AFAP1: variants seen among roughly 807,000 people sequenced by gnomAD.
AFAP1 encodes actin filament associated protein 1.
In AFAP1, 75 loss-of-function variants were observed where a neutral mutation model predicts 93.9. The ratio of observed to expected loss-of-function variants is 0.80; its 90% CI spans 0.66 to 0.97. The LOEUF is 0.97. AFAP1 is among the 50% of genes least tolerant of loss of function. The pLI is 0.00. For synonymous variants in AFAP1, 517 were observed against 430.7 expected, an observed-to-expected ratio of 1.20 and a Z score of -2.48; for missense variants, 1,201 against 1,050.8, an observed-to-expected ratio of 1.14 and a Z score of -1.98.
At chr4:7,868,816 T>C (rs2149176376) in intron 2 of AFAP1, 97 bp from the exon 3 acceptor site, 4 of 1,027,532 alleles carry the variant, frequency 3.9e-6, no homozygotes, top group Middle Eastern at 4.1e-4. Flanking sequence ...GTTGAACACT[T>C]TGCAAATATT....
intron 1 of AFAP1, among the ~76,000 whole-genome samples, chr4:7,904,300 A>G (rs989958510): frequency 2.0e-5 from 3 of 152,024 alleles, no homozygotes; most frequent in African/African-American, 7.2e-5. Context: ...GGCTCTCCAC[A>G]CATGACAGAC....
chr4:7,907,325 G>A (rs115508676), intron 1 of AFAP1, among the ~76,000 whole-genome samples: 325 of 152,228 alleles, frequency 2.1e-3, no homozygotes, highest in East Asian at 0.011. Context: ...AGGCTGCAAC[G>A]TCCCTGTAAA....
intron 1 of AFAP1, among the ~76,000 whole-genome samples, chr4:7,881,136 C>A (rs544463002): frequency 9.9e-5 from 15 of 152,154 alleles, no homozygotes; most frequent in Non-Finnish European, 1.8e-4. Flanking sequence ...GGCAACTCCC[C>A]ATTATCTAAT....
chr4:7,803,917 A>C lies in AFAP1; in HGVS notation c.1055-3264T>G, dbSNP rs1172042948. 2.0e-5 allele frequency among the ~76,000 whole-genome samples: 3 copies of C among 152,160 alleles called. No individual in the cohort carries two copies. The East Asian group carries it at 5.8e-4, about 29-fold the overall frequency. ...TGTTCACAACAGCAGGTAAATCCAC[A>C]GTCACCTGTCTGTTTTCAGCGACTG... On this transcript the variant is annotated intron_variant, in intron 9 of 17. Coordinates refer to ENST00000420658, the MANE Select transcript of AFAP1 (RefSeq NM_001134647.2).
rs369201652 is a variant in AFAP1, at chr4:7,933,580, A to G, written c.-3+6076T>C. ...AGTGCGAGACTCCGTCTCAAAAAAAATATTTAAAAAAAGGGTATAGAACTT... is the reference window on the plus strand; with the variant it reads ...AGTGCGAGACTCCGTCTCAAAAAAAGTATTTAAAAAAAGGGTATAGAACTT... On this transcript the variant is annotated intron_variant, in intron 1 of 17. Coordinates refer to ENST00000420658, the MANE Select transcript of AFAP1 (RefSeq NM_001134647.2). 1.1e-3 allele frequency among the ~76,000 whole-genome samples: 165 copies of G among 152,330 alleles called. 5 individuals carry two copies. In the South Asian group the frequency reaches 0.033, roughly 30 times the overall value.
chr4:7,877,905 G>A (rs562896529), intron 1 of AFAP1, among the ~76,000 whole-genome samples: 9 of 152,032 alleles, frequency 5.9e-5, no homozygotes, highest in South Asian at 2.1e-4. Flanking sequence ...CCCCCATATC[G>A]CCAGTTCCCA....
In AFAP1 at chr4:7,843,208, G is replaced by A; in HGVS notation, c.477C>T (p.Phe159=). The change falls in exon 5 of 18, where the codon TTC becomes TTT. Residue 159 remains phenylalanine (F), a synonymous_variant. Transcript: ENST00000420658. ...DLVKDAKICA[F]LLRKKRFGQW... is the part of the protein sequence containing the mutation. ...GGCCGAACCGCTTCTTCCGCAGCAG[G>A]AAGGCGCAGATTTTGGCGTCCTTGA... 1 of 1,614,210 alleles carries A rather than the reference G, an allele frequency of 6.2e-7. No homozygotes were observed. Among genetic ancestry groups the A allele is most frequent in the Non-Finnish European group, 8.5e-7 (1 of 1,180,040 alleles).
At chr4:7,778,126 G>C (rs1336068231) in intron 14 of AFAP1, 1 of 153,170 alleles carries the variant, frequency 6.5e-6, no homozygotes, top group Non-Finnish European at 1.5e-5. Flanking sequence ...TACCAGCTGT[G>C]AGCCTTGGGG....
intron 3 of AFAP1, among the ~76,000 whole-genome samples, chr4:7,857,987 G>GA (rs766596652): frequency 1.6e-4 from 25 of 151,960 alleles, no homozygotes; most frequent in Non-Finnish European, 3.1e-4. Context: ...AACCACATAT[G>GA]AAAAAAACCA....
intron 9 of AFAP1, 108 bp downstream of exon 9, chr4:7,809,506 A>C: frequency 1.5e-6 from 2 of 1,321,672 alleles, no homozygotes; most frequent in Non-Finnish European, 2.1e-6. Flanking sequence ...CCAATGCAAA[A>C]GAGCTCAAAT....
chr4:7,871,302 G>A (rs962560931), intron 2 of AFAP1, among the ~76,000 whole-genome samples: 5 of 152,294 alleles, frequency 3.3e-5, no homozygotes, highest in African/African-American at 1.2e-4. Flanking sequence ...TTCCCTGATG[G>A]ACAAGGGTGG....
chr4:7,877,521 C>T (rs1425246529), intron 1 of AFAP1, among the ~76,000 whole-genome samples: 1 of 152,178 alleles, frequency 6.6e-6, no homozygotes, highest in Non-Finnish European at 1.5e-5. Context: ...CTAGGAGGCA[C>T]GTACTGTTAT....
intron 16 of AFAP1, chr4:7,772,508 C>T (rs886070216): frequency 3.7e-6 from 1 of 271,068 alleles, no homozygotes; most frequent in African/African-American, 2.2e-5. Context: ...GAACTGGCAT[C>T]AAATCATGAC....
chr4:7,896,253 T>C (rs34181918), intron 1 of AFAP1, among the ~76,000 whole-genome samples: 19,214 of 151,754 alleles, frequency 0.13, 1,410 homozygotes, highest in Non-Finnish European at 0.17. Flanking sequence ...TTAAAAGAGG[T>C]TTTTTACATA....
At chr4:7,850,493 T>C (rs1171413147) in intron 4 of AFAP1, among the ~76,000 whole-genome samples, 2 of 152,238 alleles carry the variant, frequency 1.3e-5, no homozygotes, top group Non-Finnish European at 2.9e-5. Context: ...AATCTGTGTC[T>C]GAAACCAAAA....
At chr4:7,826,096 T>A (rs1268773712) in intron 6 of AFAP1, among the ~76,000 whole-genome samples, 2 of 152,164 alleles carry the variant, frequency 1.3e-5, no homozygotes, top group Non-Finnish European at 2.9e-5. Context: ...ACTGGTAGAA[T>A]GGTGGGTGAA....
Position 7,861,370 on chromosome 4 carries a change from A to G in AFAP1, c.226-5796T>C, listed in dbSNP as rs75356632. ...ATGCCGCTGAAGGAAACTGAGGATA[A>G]TAAAATTTTATAGTTTAAGCTGCGA... On this transcript the variant is annotated intron_variant, in intron 3 of 17. Coordinates refer to ENST00000420658, the MANE Select transcript of AFAP1 (RefSeq NM_001134647.2). 1.7e-3 allele frequency among the ~76,000 whole-genome samples: 266 copies of G among 152,328 alleles called. 1 individual carries two copies. The highest frequency in any genetic ancestry group is 5.7e-3 in the African/African-American group (239 of 41,568).
At chr4:7,868,298 G>C (rs1255444118) in intron 3 of AFAP1, among the ~76,000 whole-genome samples, 2 of 152,134 alleles carry the variant, frequency 1.3e-5, no homozygotes, top group African/African-American at 4.8e-5. Flanking sequence ...AGATACTTTT[G>C]TCTGCTAAAT....
rs901968973 is a variant in AFAP1, at chr4:7,916,720, C to G, written c.-3+22936G>C. Among the ~76,000 whole-genome samples, 24 of 152,270 alleles carry G rather than the reference C, an allele frequency of 1.6e-4. No individual in the cohort carries two copies. In the Middle Eastern group the frequency reaches 0.01, roughly 65 times the overall value. ...CATGATAAAAATCAAAACCAAGCATCTCTGAAAAGTGTACATGTCAAGAAC... is the reference window on the plus strand; with the variant it reads ...CATGATAAAAATCAAAACCAAGCATGTCTGAAAAGTGTACATGTCAAGAAC... On this transcript the variant is annotated intron_variant, in intron 1 of 17. Coordinates refer to ENST00000420658, the MANE Select transcript of AFAP1 (RefSeq NM_001134647.2).
Sources: gnomAD v4.1 joint callset for allele counts (sites outside exome capture counted in the v4.1 genomes callset) on GRCh38, gnomAD v4.1.1 for gene constraint, MANE v1.5 for transcripts, NCBI Gene and HGNC (gene_info 2026-07-23, HGNC 2026-07-21) for gene names.